Variants in RIF1 observed in about 807,000 individuals in gnomAD.
RIF1 encodes replication timing regulatory factor 1, also known as telomere-associated protein RIF1.
A neutral mutation model predicts 247.1 loss-of-function variants in RIF1; 45 were observed. The observed-to-expected ratio is 0.18, with a 90% confidence interval of 0.14 to 0.23. The LOEUF (loss-of-function observed/expected upper bound fraction) is 0.23. Ranked by LOEUF, RIF1 falls within the 10% of genes least tolerant of loss-of-function variation. The pLI, the probability that RIF1 is intolerant of heterozygous loss-of-function variation, is 1.00. For synonymous variants in RIF1, 1,087 were observed against 978.8 expected (o/e 1.11, Z -2.06); for missense variants, 2,967 against 2,862.5 (o/e 1.04, Z -0.83).
chr2:151,503,557 A>G, intron 12 of RIF1: 1 of 655,038 alleles, frequency 1.5e-6, no homozygotes, highest in South Asian at 1.9e-5. Flanking sequence ...TCTCAAATAT[A>G]ACATTCAAGG....
At chr2:151,494,632 T>TG (rs1478016782) in intron 9 of RIF1, among the ~76,000 whole-genome samples, 1 of 151,550 alleles carries the variant, frequency 6.6e-6, no homozygotes, top group African/African-American at 2.4e-5. Context: ...ATCAGCTGTT[T>TG]GTTTTTTTTT....
At chr2:151,488,847 G>T (rs2053560494) in intron 9 of RIF1, among the ~76,000 whole-genome samples, 1 of 151,886 alleles carries the variant, frequency 6.6e-6, no homozygotes, top group African/African-American at 2.4e-5. Flanking sequence ...TTCTTTTAGG[G>T]TCTGTTTCTG....
intron 15 of RIF1, among the ~76,000 whole-genome samples, 164 bp from the exon 16 acceptor site, chr2:151,441,741 C>T (rs1692327408): frequency 6.6e-6 from 1 of 152,150 alleles, no homozygotes; most frequent in Non-Finnish European, 1.5e-5. Context: ...CAGATATATT[C>T]ATGTTAGTGA....
Position 151,437,403 on chromosome 2 carries a change from A to G in RIF1, c.1483+52A>G, listed in dbSNP as rs1691435087. The G allele has an allele frequency of 2.8e-6, 4 of 1,404,918 alleles. No homozygotes were observed. The East Asian group carries it at 9.1e-5, about 32-fold the overall frequency. The allele number at this position is 1,404,918 out of a possible 1,614,324, so 87.0% of individuals were successfully genotyped here. On this transcript the variant is annotated intron_variant, in intron 13 of 35. Transcript: ENST00000444746. ...TCAAATGTGTGTTTAAAAAGAAGAAAAAATAGGCCAGTCACAGTACCTCAC... is the reference window on the plus strand; with the variant it reads ...TCAAATGTGTGTTTAAAAAGAAGAAGAAATAGGCCAGTCACAGTACCTCAC...
intron 19 of RIF1, among the ~76,000 whole-genome samples, chr2:151,446,013 T>C (rs1478758228): frequency 6.6e-6 from 1 of 152,190 alleles, no homozygotes; most frequent in Non-Finnish European, 1.5e-5. Context: ...TGTGTTAGTC[T>C]CTTTTTTATT....
rs1175737387 is a variant in RIF1, at chr2:151,444,564, C to G, written c.1987-774C>G. Among the ~76,000 whole-genome samples the G allele has an allele frequency of 2.6e-5, 4 of 152,314 alleles. No homozygotes were observed. The East Asian group carries it at 7.7e-4, about 29-fold the overall frequency. On this transcript the variant is annotated intron_variant, in intron 18 of 35. Coordinates refer to ENST00000444746, the MANE Select transcript of RIF1 (RefSeq NM_018151.5). ...ACCTTAGCCTCAGCCTCCCAAAGTGCTGGGATTACAGGCGTGAGCCACTGT... is the reference window on the plus strand; with the variant it reads ...ACCTTAGCCTCAGCCTCCCAAAGTGGTGGGATTACAGGCGTGAGCCACTGT...
rs779321695 is a variant in RIF1, at chr2:151,492,387, C to A, written c.*416-2842C>A. 5 of 1,600,456 alleles carry A rather than the reference C, an allele frequency of 3.1e-6. No individual in the cohort carries two copies. The highest frequency in any genetic ancestry group is 4.3e-6 in the Non-Finnish European group (5 of 1,172,504). ...CAATCCTAAAGAATTCCTGACTCAC[C>A]GTTGAGATGTGCCGTTGGGTCTCCC... On this transcript the variant is annotated intron_variant and NMD_transcript_variant, in intron 9 of 13. Coordinates refer to the RIF1 transcript ENST00000454583.
At chr2:151,509,441 G>A (rs769046502), downstream of RIF1, among the ~76,000 whole-genome samples, 4 of 151,960 alleles carry the variant, frequency 2.6e-5, no homozygotes, top group Non-Finnish European at 5.9e-5. Flanking sequence ...CAACTGGTTT[G>A]CAGAGCTGGT....
intron 10 of RIF1, among the ~76,000 whole-genome samples, chr2:151,498,558 A>AAAT (rs1160787375): frequency 7.9e-5 from 12 of 152,220 alleles, no homozygotes; most frequent in African/African-American, 2.9e-4. Flanking sequence ...AAAAACTAAG[A>AAAT]AATAGGAAAA....
chr2:151,428,729 A>G (rs1048615181), intron 8 of RIF1, 55 bp from the exon 9 acceptor site: 44 of 1,362,398 alleles, frequency 3.2e-5, no homozygotes, highest in Admixed American at 6.9e-5. Context: ...AATGATAGCA[A>G]TTATTCTGTT....
intron 30 of RIF1, 125 bp from the exon 31 acceptor site, chr2:151,467,873 TGA>T: frequency 1.3e-6 from 1 of 782,744 alleles, no homozygotes; most frequent in Admixed American, 2.8e-5. Flanking sequence ...ACTGTGCAGC[TGA>T]CTTCTGGTGA....
the RIF1 span, chr2:151,532,150 G>A: frequency 3.2e-6 from 1 of 311,990 alleles, no homozygotes; most frequent in Non-Finnish European, 6.0e-6. Context: ...AGGCTGGAGT[G>A]CAGTGGTGCG....
intron 2 of RIF1, 38 bp downstream of exon 2, chr2:151,410,565 C>T (rs1685973525): frequency 6.6e-7 from 1 of 1,505,088 alleles, no homozygotes; most frequent in East Asian, 2.3e-5. Context: ...GAGTGGGGCG[C>T]TCTATAGTGG....
At chr2:151,493,614 A>T (rs778942184) in intron 9 of RIF1, among the ~76,000 whole-genome samples, 2 of 152,198 alleles carry the variant, frequency 1.3e-5, no homozygotes, top group Non-Finnish European at 2.9e-5. Context: ...AAGTAAAATC[A>T]CTGTGACCTC....
In RIF1 at chr2:151,461,160, T is replaced by C. The variant is rs1696097540; in HGVS notation, c.3098T>C (p.Leu1033Ser). 5 of 1,609,934 alleles carry C rather than the reference T, an allele frequency of 3.1e-6. No individual in the cohort carries two copies. The highest frequency in any genetic ancestry group is 1.7e-5 in the Admixed American group (1 of 58,954). Residue 1033 changes from leucine (L) to serine (S), a missense_variant, in exon 27 of 36, where the codon TTA becomes TCA. By Grantham distance (145) the Leu-to-Ser change is moderately radical (BLOSUM62 -2). Transcript: ENST00000444746. ...AAKLKLESSS[L>S]KVKGEILLEE... is the part of the protein sequence containing the mutation. ...CAGCTGAAACTTGAATCTTCGTCTT[T>C]AAAAGTAAAGGGTGAAATTCTTTTG...
intron 2 of RIF1, among the ~76,000 whole-genome samples, chr2:151,410,902 T>TTTA (rs1573817954): frequency 6.6e-6 from 1 of 152,168 alleles, no homozygotes; most frequent in Non-Finnish European, 1.5e-5. Context: ...TTTTTATTAA[T>TTTA]TGCAAAATGC....
chr2:151,411,778 T>C (rs1686284636), intron 3 of RIF1, among the ~76,000 whole-genome samples: 1 of 152,240 alleles, frequency 6.6e-6, no homozygotes, highest in Admixed American at 6.5e-5. Flanking sequence ...ATACTGATTA[T>C]AATACTCTTT....
In RIF1 at chr2:151,469,901, A is replaced by G. The variant is rs531774917; in HGVS notation, c.7095+37A>G. 1.4e-5 allele frequency: 20 copies of G among 1,473,830 alleles called. 2 individuals carry two copies. In the South Asian group the frequency reaches 2.5e-4, roughly 19 times the overall value. 91.3% of individuals were successfully genotyped at this position (1,473,830 alleles called of 1,614,324 possible). A position where few individuals can be genotyped will look rare whatever the true frequency, so the allele number is the denominator to read the frequency against. On this transcript the variant is annotated intron_variant, in intron 34 of 35. Coordinates refer to ENST00000444746, the MANE Select transcript of RIF1 (RefSeq NM_018151.5). The stretch of plus-strand genomic sequence containing the variant: ...GATATTAGCTATGATGTATATTAAT[A>G]AATGATGTAGCAGTACAGTTACAGA...
rs1401113888 is a variant in RIF1, at chr2:151,465,903, C to T, written c.6383C>T (p.Ala2128Val). The change falls in exon 30 of 36, where the codon GCA becomes GTA. Residue 2128 changes from alanine to valine, a missense_variant. By Grantham distance (64) the Ala-to-Val change is moderately conservative. Transcript: ENST00000444746. ...QKVEEPSQCL[A>V]SGTAISELII... is the part of the protein sequence containing the mutation. The stretch of plus-strand genomic sequence containing the variant: ...GTGGAGGAACCATCACAGTGTCTGG[C>T]ATCTGGAACAGCTATCTCTGAGCTA... 6.2e-7 allele frequency: 1 copy of T among 1,613,894 alleles called. No homozygotes were observed. Among genetic ancestry groups the T allele is most frequent in the Non-Finnish European group, 8.5e-7 (1 of 1,179,866 alleles).
Sources: allele counts gnomAD v4.1 joint callset (sites outside exome capture counted in the v4.1 genomes callset), GRCh38; gene constraint gnomAD v4.1.1; transcripts MANE v1.5; gene names NCBI Gene and HGNC (gene_info 2026-07-23, HGNC 2026-07-21).